The following RBFOX1 variants were observed in gnomAD, a reference collection of about 807,000 sequenced individuals.
RBFOX1 encodes the protein RNA binding fox-1 homolog 1, also known as RNA binding protein fox-1 homolog 1.
A neutral mutation model predicts 57.7 loss-of-function variants in RBFOX1; 8 were observed. The ratio of observed to expected loss-of-function variants is 0.14; its 90% CI spans 0.08 to 0.25. The LOEUF (loss-of-function observed/expected upper bound fraction) is 0.25, where lower values mean the gene tolerates loss of function less well. Among genes scored for constraint, RBFOX1 ranks in the 10% least tolerant of loss-of-function variants. RBFOX1 has a pLI of 1.00. For missense variants in RBFOX1, 611 were observed against 548.5 expected (o/e 1.11, Z -1.14); for synonymous variants, 326 against 222.4 (o/e 1.47, Z -4.15).
At chr16:6,004,856 G>T (rs142371332) in intron 4 of RBFOX1, among the ~76,000 whole-genome samples, 113 of 152,292 alleles carry the variant, frequency 7.4e-4, no homozygotes, top group African/African-American at 2.6e-3. Context: ...TAGACCTTAG[G>T]TGGAATCCTG....
chr16:5,360,263 G>A (rs555628449), intron 1 of RBFOX1, among the ~76,000 whole-genome samples: 1 of 152,352 alleles, frequency 6.6e-6, no homozygotes, highest in East Asian at 1.9e-4. Context: ...GCTGGAGGGC[G>A]AGGGATAATT....
chr16:6,423,147 T>C (rs1237029567), intron 2 of RBFOX1, among the ~76,000 whole-genome samples: 1 of 152,248 alleles, frequency 6.6e-6, no homozygotes, highest in East Asian at 1.9e-4. Context: ...CCCAGGTTGC[T>C]GCTGTTCACT....
intron 2 of RBFOX1, among the ~76,000 whole-genome samples, chr16:6,544,161 G>C (rs193036994): frequency 6.6e-6 from 1 of 152,068 alleles, no homozygotes; most frequent in Non-Finnish European, 1.5e-5. Context: ...TAACTTCCAC[G>C]GTGCTCATCC....
At chr16:7,018,799 AG>A (rs1247241627) in intron 3 of RBFOX1, among the ~76,000 whole-genome samples, 7 of 142,662 alleles carry the variant, frequency 4.9e-5, no homozygotes, top group African/African-American at 2.0e-4. Context: ...AAAAAAAAAA[AG>A]AAGAAATACA....
intron 5 of RBFOX1, among the ~76,000 whole-genome samples, chr16:7,523,815 T>G (rs2078046618): frequency 7.0e-6 from 1 of 142,174 alleles, no homozygotes; most frequent in South Asian, 2.2e-4. Context: ...GACTTTTCAG[T>G]TATCCTTTCC....
At chr16:5,937,669 AATAT>A (rs1340188396) in intron 4 of RBFOX1, among the ~76,000 whole-genome samples, 1 of 149,966 alleles carries the variant, frequency 6.7e-6, no homozygotes, top group Admixed American at 6.7e-5. Context: ...AGAACTTTAT[AATAT>A]ATAGTTATAT....
At chr16:5,923,043 C>G (rs1405168099) in intron 4 of RBFOX1, among the ~76,000 whole-genome samples, 3 of 152,156 alleles carry the variant, frequency 2.0e-5, no homozygotes, top group Non-Finnish European at 4.4e-5. Flanking sequence ...GGACTCTCCA[C>G]AAGGCCTTGG....
chr16:6,131,343 G>A (rs1463243), intron 1 of RBFOX1, among the ~76,000 whole-genome samples: 108,916 of 152,160 alleles, frequency 0.72, 40,077 homozygotes, highest in African/African-American at 0.89. Context: ...ATTTATCTAC[G>A]TATTGTCAAA....
chr16:5,362,156 G>A (rs1302276156), intron 1 of RBFOX1, among the ~76,000 whole-genome samples: 1 of 152,056 alleles, frequency 6.6e-6, no homozygotes, highest in Non-Finnish European at 1.5e-5. Flanking sequence ...ATAATATTGT[G>A]CAGCAGATCT....
intron 3 of RBFOX1, among the ~76,000 whole-genome samples, chr16:7,048,340 A>C (rs1166889035): frequency 1.3e-5 from 2 of 151,978 alleles, no homozygotes; most frequent in South Asian, 4.2e-4. Flanking sequence ...GCTCACTGCA[A>C]CCTCTGCCTC....
chr16:6,840,000 A>G (rs1194351717), intron 3 of RBFOX1, among the ~76,000 whole-genome samples: 1 of 152,196 alleles, frequency 6.6e-6, no homozygotes, highest in Non-Finnish European at 1.5e-5. Flanking sequence ...TATAAACAAA[A>G]TAATATCTGT....
At chr16:7,364,627 C>T in intron 4 of RBFOX1, among the ~76,000 whole-genome samples, 1 of 149,166 alleles carries the variant, frequency 6.7e-6, no homozygotes, top group East Asian at 2.0e-4. Flanking sequence ...GAGAATTATT[C>T]AGCCATTAGA....
At chr16:6,840,795 G>C (rs2093415008) in intron 3 of RBFOX1, among the ~76,000 whole-genome samples, 1 of 150,944 alleles carries the variant, frequency 6.6e-6, no homozygotes, top group South Asian at 2.1e-4. Context: ...GCTGAGGCAG[G>C]AGAATTGCTT....
At chr16:6,093,508 G>A (rs1303079896) in intron 1 of RBFOX1, among the ~76,000 whole-genome samples, 1 of 152,116 alleles carries the variant, frequency 6.6e-6, no homozygotes, top group East Asian at 1.9e-4. Context: ...AGGGGCAATG[G>A]GGGTTAAGGA....
chr16:5,858,033 A>G (rs1338820009), intron 3 of RBFOX1, among the ~76,000 whole-genome samples: 1 of 152,156 alleles, frequency 6.6e-6, no homozygotes, highest in Non-Finnish European at 1.5e-5. Context: ...AGACTTCCAC[A>G]AGCAGAGGTA....
intron 3 of RBFOX1, among the ~76,000 whole-genome samples, chr16:6,842,325 AAC>A (rs1365867178): frequency 6.6e-6 from 1 of 152,140 alleles, no homozygotes; most frequent in Non-Finnish European, 1.5e-5. Context: ...TCAGAGAAAC[AAC>A]ACATACACAT....
chr16:5,649,894 G>C (rs899565618), intron 3 of RBFOX1, among the ~76,000 whole-genome samples: 2 of 152,170 alleles, frequency 1.3e-5, no homozygotes, highest in African/African-American at 4.8e-5. Flanking sequence ...AGATTATAGA[G>C]GGATGTGAAG....
At chr16:5,748,484 T>A (rs2053069993) in intron 3 of RBFOX1, among the ~76,000 whole-genome samples, 1 of 152,194 alleles carries the variant, frequency 6.6e-6, no homozygotes, top group South Asian at 2.1e-4. Flanking sequence ...TGTTAAAGTC[T>A]CCCATTATTA....
intron 2 of RBFOX1, among the ~76,000 whole-genome samples, chr16:5,477,143 T>A (rs1441571213): frequency 6.6e-6 from 1 of 152,166 alleles, no homozygotes; most frequent in Non-Finnish European, 1.5e-5. Context: ...GCCTCCTGAG[T>A]AGCTGCAAGC....
Sources: gnomAD v4.1 joint callset for allele counts (sites outside exome capture counted in the v4.1 genomes callset) on GRCh38, gnomAD v4.1.1 for gene constraint, MANE v1.5 for transcripts, NCBI Gene and HGNC (gene_info 2026-07-23, HGNC 2026-07-21) for gene names.